Variants in ARHGAP42 observed in about 807,000 individuals in gnomAD.
ARHGAP42 encodes the protein rho GTPase-activating protein 42.
Under a neutral mutation model 125.0 loss-of-function variants are expected in ARHGAP42, and 63 were observed. The ratio of observed to expected loss-of-function variants is 0.50; its 90% CI spans 0.41 to 0.62. ARHGAP42 has a LOEUF of 0.62. ARHGAP42 is among the 20% of genes least tolerant of loss of function. The pLI, the probability that ARHGAP42 is intolerant of heterozygous loss-of-function variation, is 0.00. For missense variants in ARHGAP42, 766 were observed against 1,024.2 expected (o/e 0.75, Z 3.44); for synonymous variants, 339 against 351.0 (o/e 0.97, Z 0.38).
In ARHGAP42 at chr11:100,993,083, T is replaced by A. The variant is rs17654386; in HGVS notation, c.*4282T>A. On this transcript the variant is annotated 3_prime_UTR_variant, in exon 24 of 24. Transcript: ENST00000298815. The stretch of plus-strand genomic sequence containing the variant: ...TGTGTACACGGCTATTTGGGAAACT[T>A]AAGTGTTGGAGGAGGCAGGGGCTGA... 26,362 of 181,776 alleles carry A rather than the reference T, an allele frequency of 0.15. 2,363 individuals are homozygous for A. Among genetic ancestry groups the A allele is most frequent in the East Asian group, 0.18 (1,047 of 5,778 alleles). 11.3% of individuals were successfully genotyped at this position (181,776 alleles called of 1,614,324 possible).
intron 1 of ARHGAP42, among the ~76,000 whole-genome samples, chr11:100,735,341 T>A (rs1862044059): frequency 6.6e-6 from 1 of 152,292 alleles, no homozygotes; most frequent in African/African-American, 2.4e-5. Context: ...GTTTCTGAAC[T>A]ATTTAAGAGG....
chr11:100,754,118 G>A (rs1862522144), intron 1 of ARHGAP42, among the ~76,000 whole-genome samples: 1 of 152,112 alleles, frequency 6.6e-6, no homozygotes, highest in East Asian at 1.9e-4. Flanking sequence ...ATAACTACAT[G>A]ATAAAATGGG....
intron 1 of ARHGAP42, among the ~76,000 whole-genome samples, chr11:100,745,395 T>C (rs567478328): frequency 6.6e-6 from 1 of 152,280 alleles, no homozygotes; most frequent in African/African-American, 2.4e-5. Context: ...AGGGAGGTTT[T>C]AGTAAGTGCC....
At position 100,893,469 on chromosome 11, in the gene ARHGAP42, A is replaced by G. The variant is rs1377830783; in HGVS notation, c.385-19983A>G. On this transcript the variant is annotated intron_variant, in intron 4 of 23. Coordinates refer to ENST00000298815, the MANE Select transcript of ARHGAP42 (RefSeq NM_152432.4). Reference sequence around the variant, plus strand: ...AATTTTTCTTTGTATTTATTTTGGCAACAATGAATAGCTGAAAAGCCATAA... The same window carrying G: ...AATTTTTCTTTGTATTTATTTTGGCGACAATGAATAGCTGAAAAGCCATAA... 1.3e-5 allele frequency among the ~76,000 whole-genome samples: 2 copies of G among 152,120 alleles called. 1 individual carries two copies. The highest frequency in any genetic ancestry group is 6.3e-3 in the Middle Eastern group (2 of 316).
chr11:100,860,836 A>G (rs1817402676), intron 4 of ARHGAP42, among the ~76,000 whole-genome samples: 1 of 152,202 alleles, frequency 6.6e-6, no homozygotes, highest in Non-Finnish European at 1.5e-5. Flanking sequence ...AATTGTGAGC[A>G]ATTTTCGAGT....
intron 1 of ARHGAP42, among the ~76,000 whole-genome samples, chr11:100,690,909 T>C (rs1206349716): frequency 6.6e-6 from 1 of 152,174 alleles, no homozygotes; most frequent in Non-Finnish European, 1.5e-5. Flanking sequence ...CAACATCCAT[T>C]ATTACGTTTC....
chr11:100,912,690 T>G (rs987165318), intron 4 of ARHGAP42, among the ~76,000 whole-genome samples: 5 of 152,210 alleles, frequency 3.3e-5, no homozygotes, highest in Non-Finnish European at 5.9e-5. Flanking sequence ...TCATTCCATT[T>G]GCATTTCTAT....
In ARHGAP42 at chr11:100,913,442, T is replaced by A. The variant is rs1710264216; in HGVS notation, c.385-10T>A. 8.2e-7 allele frequency: 1 copy of A among 1,214,352 alleles called. No individual in the cohort carries two copies. Among genetic ancestry groups the A allele is most frequent in the African/African-American group, 1.6e-5 (1 of 61,572 alleles). 75.2% of individuals were successfully genotyped at this position (1,214,352 alleles called of 1,614,324 possible). The stretch of plus-strand genomic sequence containing the variant: ...GTTAAATATTTTTTGTTGTTATTGC[T>A]CTCCTTTAGGATGGAAAGAAGAAGT... On this transcript the variant is annotated splice_polypyrimidine_tract_variant and intron_variant, in intron 4 of 23. Transcript: ENST00000298815.
At chr11:100,807,787 T>A (rs987360648) in intron 3 of ARHGAP42, among the ~76,000 whole-genome samples, 1 of 152,260 alleles carries the variant, frequency 6.6e-6, no homozygotes, top group African/African-American at 2.4e-5. Context: ...CGTTTTACTT[T>A]GGAGTCTTGT....
intron 2 of ARHGAP42, among the ~76,000 whole-genome samples, chr11:100,777,194 A>G (rs183934281): frequency 6.6e-6 from 1 of 152,186 alleles, no homozygotes; most frequent in Non-Finnish European, 1.5e-5. Flanking sequence ...AAGGTATAGC[A>G]GGTTAAAATA....
intron 3 of ARHGAP42, among the ~76,000 whole-genome samples, chr11:100,814,676 A>G (rs1864224345): frequency 6.6e-6 from 1 of 152,092 alleles, no homozygotes; most frequent in African/African-American, 2.4e-5. Context: ...GGAGAGAGAG[A>G]TAGGGGAGGG....
chr11:100,735,602 CTTTTTTTTT>C (rs58522622), intron 1 of ARHGAP42, among the ~76,000 whole-genome samples: 2 of 73,064 alleles, frequency 2.7e-5, no homozygotes, highest in Admixed American at 2.1e-4. Flanking sequence ...TTTACTTGTA[CTTTTTTTTT>C]TTTTTTTTTT....
intron 3 of ARHGAP42, among the ~76,000 whole-genome samples, chr11:100,832,776 G>C (rs1199968817): frequency 6.6e-6 from 1 of 152,122 alleles, no homozygotes; most frequent in Non-Finnish European, 1.5e-5. Context: ...CACCCTCTTG[G>C]GCACTGCATA....
At chr11:100,973,633 T>C (rs1055005108) in intron 18 of ARHGAP42, among the ~76,000 whole-genome samples, 2 of 152,194 alleles carry the variant, frequency 1.3e-5, no homozygotes, top group African/African-American at 4.8e-5. Context: ...ACCTTCTCTT[T>C]GTATCCCTTT....
rs1412275696 is a variant in ARHGAP42, at chr11:100,921,235, ATATATATATATTTTTTTTTT to A, written c.487-257_487-238del. On this transcript the variant is annotated intron_variant, in intron 5 of 23. Transcript: ENST00000298815. ...TATACATATATATATATATATATAT[ATATATATATATTTTTTTTTT>A]TTTTTTTTTTTTTTTTTTACTGCAA... is the stretch of plus-strand genomic sequence containing the variant. Among the ~76,000 whole-genome samples the A allele has an allele frequency of 2.1e-3, 71 of 33,716 alleles. No homozygotes were observed. In the South Asian group the frequency reaches 0.041, roughly 19 times the overall value. The allele number at this position is 33,716 out of a possible 152,430, so 22.1% of individuals were successfully genotyped here.
intron 1 of ARHGAP42, among the ~76,000 whole-genome samples, chr11:100,760,773 G>A (rs1482606121): frequency 6.6e-6 from 1 of 152,086 alleles, no homozygotes; most frequent in Non-Finnish European, 1.5e-5. Context: ...AGAAGGACAG[G>A]ATGGAGAAAG....
intron 8 of ARHGAP42, 130 bp from the exon 9 acceptor site, chr11:100,941,654 A>G (rs1047300188): frequency 5.4e-6 from 3 of 553,348 alleles, no homozygotes. Flanking sequence ...TCTCATGCAC[A>G]GTAAATGTTA....
chr11:100,862,794 G>T (rs1210967962), intron 4 of ARHGAP42, among the ~76,000 whole-genome samples: 2 of 152,064 alleles, frequency 1.3e-5, no homozygotes, highest in African/African-American at 2.4e-5. Context: ...ACTTTCGGAG[G>T]CTGAGGCAGG....
intron 12 of ARHGAP42, among the ~76,000 whole-genome samples, chr11:100,958,134 G>C (rs1344296914): frequency 6.6e-6 from 1 of 151,556 alleles, no homozygotes; most frequent in Non-Finnish European, 1.5e-5. Context: ...AGTTTTTGTT[G>C]TTGTCCTTAA....
Sources: gnomAD v4.1 joint callset for allele counts (sites outside exome capture counted in the v4.1 genomes callset) on GRCh38, gnomAD v4.1.1 for gene constraint, MANE v1.5 for transcripts, NCBI Gene and HGNC (gene_info 2026-07-23, HGNC 2026-07-21) for gene names.